GNG13: variants seen among roughly 807,000 people sequenced by gnomAD.
The protein encoded by GNG13 is guanine nucleotide-binding protein G(I)/G(S)/G(O) subunit gamma-13.
Under a neutral mutation model 8.2 loss-of-function variants are expected in GNG13, and 12 were observed. The observed-to-expected ratio is 1.47, with a 90% CI of 0.94 to 2.38. The LOEUF (loss-of-function observed/expected upper bound fraction) is 2.38, where lower values mean the gene tolerates loss of function less well. Among genes scored for constraint, GNG13 ranks in the 30% most tolerant of loss-of-function variants. The probability of loss-of-function intolerance (pLI) is 0.00; values close to 1 mark genes in which losing one functional copy is unlikely to be tolerated. For synonymous variants in GNG13, 45 were observed against 33.0 expected (o/e 1.37, Z -1.25); for missense variants, 100 against 85.2 (o/e 1.17, Z -0.68).
rs373764185 is a variant in GNG13, at chr16:798,614, A to G, written c.*105T>C. ...TGGTGGGAGTGGGGCTGGGAGTGGG[A>G]CTCACAGGATGGAGTGAGTGGGGCT... On this transcript the variant is annotated 3_prime_UTR_variant, in exon 3 of 3. Transcript: ENST00000248150. The G allele has an allele frequency of 1.2e-4, 87 of 724,788 alleles. No homozygotes were observed. Among genetic ancestry groups the G allele is most frequent in the East Asian group, 4.6e-4 (17 of 37,082 alleles). The allele number at this position is 724,788 out of a possible 1,614,324, so 44.9% of individuals were successfully genotyped here.
intron 2 of GNG13, 44 bp downstream of exon 2, chr16:798,936 A>G: frequency 1.4e-6 from 2 of 1,384,466 alleles, no homozygotes; most frequent in Non-Finnish European, 2.1e-6. Flanking sequence ...CAGCCAGCGC[A>G]GGGCAGACAA....
rs777969008 is a variant in GNG13 at position 798,725 on chromosome 16, G to A, written c.198C>T (p.Ile66=). ...GAGGGGCCGGGTGCGGGGCTCACAG[G>A]ATGGTGCATTTGCCCTTTTCCACCC... ...NPWVEKGKCT[I]L Residue 66 remains isoleucine, a synonymous_variant, in exon 3 of 3, where the codon ATC becomes ATT. Transcript: ENST00000248150. 2 of 1,598,848 alleles carry A rather than the reference G, an allele frequency of 1.3e-6. No homozygotes were observed. Among genetic ancestry groups the A allele is most frequent in the South Asian group, 1.1e-5 (1 of 90,744 alleles).
chr16:800,705 G>A lies in GNG13; in HGVS notation c.-74C>T, dbSNP rs1281351707. 6.6e-6 allele frequency: 1 copy of A among 152,248 alleles called. No homozygotes were observed. Among genetic ancestry groups the A allele is most frequent in the East Asian group, 1.9e-4 (1 of 5,178 alleles). The allele number at this position is 152,248 out of a possible 1,614,324, so 9.4% of individuals were successfully genotyped here. On this transcript the variant is annotated 5_prime_UTR_variant, in exon 1 of 3. Transcript: ENST00000248150. ...AGCGGAGGGACAATGACAACGGCCAGGCGACCGCGAGTGAGAGCGAGGGCC... is the reference window on the plus strand; with the variant it reads ...AGCGGAGGGACAATGACAACGGCCAAGCGACCGCGAGTGAGAGCGAGGGCC...
intron 1 of GNG13, 116 bp from the exon 2 acceptor site, chr16:799,227 C>G: frequency 1.6e-6 from 1 of 635,150 alleles, no homozygotes; most frequent in South Asian, 1.8e-5. Flanking sequence ...AGAGTCCACA[C>G]CACTGCCTGG....
chr16:799,522 CCCGCT>C (rs1329168208), intron 1 of GNG13, among the ~76,000 whole-genome samples: 2 of 152,212 alleles, frequency 1.3e-5, no homozygotes, highest in Non-Finnish European at 2.9e-5. Flanking sequence ...CCTGCCCCGC[CCCGCT>C]GTGTGCCCCT....
chr16:799,161 C>A, intron 1 of GNG13, 50 bp from the exon 2 acceptor site: 1 of 783,580 alleles, frequency 1.3e-6, no homozygotes, highest in African/African-American at 1.7e-5. Context: ...AGCCTGTAGT[C>A]CCCACCCCCG....
rs373128767 is a variant in GNG13, at chr16:798,675, G to A, written c.*44C>T. The stretch of plus-strand genomic sequence containing the variant: ...TTACAAGATGGTGGGAGTGGGGCCG[G>A]GCGTGGTCTCACAGGATGGTGTGAG... On this transcript the variant is annotated 3_prime_UTR_variant, in exon 3 of 3. Coordinates refer to ENST00000248150, the MANE Select transcript of GNG13 (RefSeq NM_016541.3). 195 of 1,167,642 alleles carry A rather than the reference G, an allele frequency of 1.7e-4. No individual in the cohort carries two copies. Among genetic ancestry groups the A allele is most frequent in the Middle Eastern group, 5.8e-4 (3 of 5,188 alleles). The allele number at this position is 1,167,642 out of a possible 1,614,324, so 72.3% of individuals were successfully genotyped here.
rs189679038 is a variant in GNG13 at position 798,425 on chromosome 16, T to C, written c.*294A>G. Reference sequence around the variant, plus strand: ...AGTGGGGCTCACAGGATGGTGGGAGTGGGGCTGGAAGTGGGGCTCACAGGA... The same window carrying C: ...AGTGGGGCTCACAGGATGGTGGGAGCGGGGCTGGAAGTGGGGCTCACAGGA... On this transcript the variant is annotated 3_prime_UTR_variant, in exon 3 of 3. Transcript: ENST00000248150. The C allele has an allele frequency of 2.8e-6, 1 of 361,128 alleles. No homozygotes were observed. The highest frequency in any genetic ancestry group is 4.8e-6 in the Non-Finnish European group (1 of 207,580). 22.4% of individuals were successfully genotyped at this position (361,128 alleles called of 1,614,324 possible).
intron 1 of GNG13, among the ~76,000 whole-genome samples, chr16:800,072 C>T (rs1276703179): frequency 6.6e-6 from 1 of 151,934 alleles, no homozygotes; most frequent in African/African-American, 2.4e-5. Context: ...GGTGGGGTCC[C>T]GGTGGTGAAT....
rs148977203 is a variant in GNG13 at position 798,803 on chromosome 16, G to A, written c.120C>T (p.Asp40=). The A allele has an allele frequency of 1.5e-4, 237 of 1,611,692 alleles. No individual in the cohort carries two copies. Among genetic ancestry groups the A allele is most frequent in the Admixed American group, 8.3e-4 (50 of 59,992 alleles). The change falls in exon 3 of 3, where the codon GAC becomes GAT. Residue 40 remains aspartate (D), a synonymous_variant. Transcript: ENST00000248150. The part of the protein sequence containing the change: ...TIPELLKWIE[D]GIPKDPFLNP... ...TCAGGAAGGGGTCCTTGGGGATCCC[G>A]TCCTCGATCCACTTCAGCAGCCTGC...
Position 798,157 on chromosome 16 carries a change from G to T in GNG13, c.*562C>A, listed in dbSNP as rs1189029592. The T allele has an allele frequency of 1.2e-6, 1 of 808,052 alleles. No individual in the cohort carries two copies. Among genetic ancestry groups the T allele is most frequent in the African/African-American group, 1.7e-5 (1 of 58,574 alleles). The allele number at this position is 808,052 out of a possible 1,614,324, so 50.1% of individuals were successfully genotyped here. On this transcript the variant is annotated 3_prime_UTR_variant, in exon 3 of 3. Transcript: ENST00000248150. ...CATAGGATGGTGTGAGTGGGGCCAG[G>T]AGTGGGGCTCACAGGATGGTGGGAG...
chr16:798,911 G>C (rs2042423126), intron 2 of GNG13, 69 bp downstream of exon 2: 8 of 1,361,602 alleles, frequency 5.9e-6, no homozygotes, highest in Non-Finnish European at 7.4e-6. Flanking sequence ...CGGTGGTCGT[G>C]GCTATGGAAA....
rs562634469 is a variant in GNG13 at position 798,694 on chromosome 16, G to C, written c.*25C>G. On this transcript the variant is annotated 3_prime_UTR_variant, in exon 3 of 3. Coordinates refer to ENST00000248150, the MANE Select transcript of GNG13 (RefSeq NM_016541.3). The stretch of plus-strand genomic sequence containing the variant: ...GGGCCGGGCGTGGTCTCACAGGATG[G>C]TGTGAGAGGGGCCGGGTGCGGGGCT... 5 of 1,373,130 alleles carry C rather than the reference G, an allele frequency of 3.6e-6. No homozygotes were observed. In the South Asian group the frequency reaches 4.7e-5, roughly 13 times the overall value. 85.1% of individuals were successfully genotyped at this position (1,373,130 alleles called of 1,614,324 possible). A position where few individuals can be genotyped will look rare whatever the true frequency, so the allele number is the denominator to read the frequency against.
chr16:798,662 G>T lies in GNG13; in HGVS notation c.*57C>A. On this transcript the variant is annotated 3_prime_UTR_variant, in exon 3 of 3. Transcript: ENST00000248150. ...GCTGGGCACAGTCTTACAAGATGGTGGGAGTGGGGCCGGGCGTGGTCTCAC... is the reference window on the plus strand; with the variant it reads ...GCTGGGCACAGTCTTACAAGATGGTTGGAGTGGGGCCGGGCGTGGTCTCAC... The T allele has an allele frequency of 9.8e-7, 1 of 1,022,002 alleles. No individual in the cohort carries two copies. Among genetic ancestry groups the T allele is most frequent in the Non-Finnish European group, 1.6e-6 (1 of 641,824 alleles). The allele number at this position is 1,022,002 out of a possible 1,614,324, so 63.3% of individuals were successfully genotyped here.
rs568113952 is a variant in GNG13 at position 798,214 on chromosome 16, G to C, written c.*505C>G. The C allele has an allele frequency of 1.1e-5, 7 of 638,384 alleles. No individual in the cohort carries two copies. The East Asian group carries it at 1.6e-4, about 15-fold the overall frequency. 39.5% of individuals were successfully genotyped at this position (638,384 alleles called of 1,614,324 possible). A position where few individuals can be genotyped will look rare whatever the true frequency, so the allele number is the denominator to read the frequency against. ...CAGGCGTGGTCTCACAGGATAGAGT[G>C]AGTGGGGCCGGGCGTGGTCTCACAG... is the stretch of plus-strand genomic sequence containing the variant. On this transcript the variant is annotated 3_prime_UTR_variant, in exon 3 of 3. Coordinates refer to ENST00000248150, the MANE Select transcript of GNG13 (RefSeq NM_016541.3).
rs535457171 is a variant in GNG13, at chr16:798,044, C to T, written c.*675G>A. Reference sequence around the variant, plus strand: ...TGCAGAGACAGGAAGCTGGAGATGTCTTTATAAAGTCACACCTTTACAGAC... The same window carrying T: ...TGCAGAGACAGGAAGCTGGAGATGTTTTTATAAAGTCACACCTTTACAGAC... On this transcript the variant is annotated 3_prime_UTR_variant, in exon 3 of 3. Coordinates refer to ENST00000248150, the MANE Select transcript of GNG13 (RefSeq NM_016541.3). 1,078 of 1,543,872 alleles carry T rather than the reference C, an allele frequency of 7.0e-4. 1 individual carries two copies. The highest frequency in any genetic ancestry group is 9.2e-4 in the Non-Finnish European group (1,055 of 1,143,572).
chr16:798,133 A>G lies in GNG13; in HGVS notation c.*586T>C. 1.0e-6 allele frequency: 1 copy of G among 998,388 alleles called. No homozygotes were observed. The highest frequency in any genetic ancestry group is 1.5e-6 in the Non-Finnish European group (1 of 686,456). 61.8% of individuals were successfully genotyped at this position (998,388 alleles called of 1,614,324 possible). A position where few individuals can be genotyped will look rare whatever the true frequency, so the allele number is the denominator to read the frequency against. ...TGGGAGTGGGGCCGGGCGTGGGCTCATAGGATGGTGTGAGTGGGGCCAGGA... is the reference window on the plus strand; with the variant it reads ...TGGGAGTGGGGCCGGGCGTGGGCTCGTAGGATGGTGTGAGTGGGGCCAGGA... On this transcript the variant is annotated 3_prime_UTR_variant, in exon 3 of 3. Transcript: ENST00000248150.
At chr16:798,904 TG>T in intron 2 of GNG13, 75 bp downstream of exon 2, 1 of 1,349,620 alleles carries the variant, frequency 7.4e-7, no homozygotes, top group Non-Finnish European at 1.1e-6. Context: ...TCGGCGGCGG[TG>T]GTCGTGGCTA....
At chr16:799,272 C>T (rs1262992103) in intron 1 of GNG13, among the ~76,000 whole-genome samples, 161 bp from the exon 2 acceptor site, 1 of 152,200 alleles carries the variant, frequency 6.6e-6, no homozygotes, top group Non-Finnish European at 1.5e-5. Flanking sequence ...GTGCAGGGCA[C>T]AGAGCGAGTT....
Sources: allele counts gnomAD v4.1 joint callset (sites outside exome capture counted in the v4.1 genomes callset), GRCh38; gene constraint gnomAD v4.1.1; transcripts MANE v1.5; gene names NCBI Gene and HGNC (gene_info 2026-07-23, HGNC 2026-07-21).